SEMA3D: variants seen among roughly 807,000 people sequenced by gnomAD.
SEMA3D encodes the protein semaphorin-3D.
SEMA3D carries 84 observed loss-of-function variants against 100.1 expected under a neutral mutation model. That is an observed-to-expected ratio of 0.84 (90% CI 0.70 to 1.01). SEMA3D has a LOEUF of 1.01. Ranked by LOEUF, SEMA3D falls within the 50% of genes least tolerant of loss-of-function variation. The probability of loss-of-function intolerance (pLI) is 0.00; values close to 1 mark genes in which losing one functional copy is unlikely to be tolerated. For missense variants in SEMA3D, 875 were observed against 934.1 expected (o/e 0.94, Z 0.82); for synonymous variants, 312 against 320.7 (o/e 0.97, Z 0.29).
intron 8 of SEMA3D, among the ~76,000 whole-genome samples, chr7:85,061,965 C>A (rs377022410): frequency 6.6e-6 from 1 of 152,180 alleles, no homozygotes; most frequent in African/African-American, 2.4e-5. Context: ...ACCAGACCCA[C>A]ATCCTTGATT....
intron 2 of SEMA3D, among the ~76,000 whole-genome samples, chr7:85,125,741 G>A (rs542751390): frequency 6.6e-6 from 1 of 151,856 alleles, no homozygotes; most frequent in South Asian, 2.1e-4. Context: ...TAAACGTCTT[G>A]CCAACAACCT....
At chr7:85,040,892 T>G in intron 10 of SEMA3D, 150 bp from the exon 11 acceptor site, 1 of 550,002 alleles carries the variant, frequency 1.8e-6, no homozygotes, top group Non-Finnish European at 3.2e-6. Flanking sequence ...AATATAAGAT[T>G]GTTTTTTCTC....
At chr7:85,111,896 T>C (rs1789107395) in intron 3 of SEMA3D, among the ~76,000 whole-genome samples, 1 of 152,076 alleles carries the variant, frequency 6.6e-6, no homozygotes, top group Non-Finnish European at 1.5e-5. Context: ...GCCTTTGCAC[T>C]TGATGTTCTT....
intron 2 of SEMA3D, chr7:85,142,538 C>T (rs1003786159): frequency 5.1e-6 from 5 of 983,306 alleles, no homozygotes; most frequent in Non-Finnish European, 6.0e-6. Context: ...TGGTATTTTC[C>T]CCAATTTGCA....
chr7:85,218,896 C>T, the SEMA3D span, among the ~76,000 whole-genome samples: 1 of 152,034 alleles, frequency 6.6e-6, no homozygotes, highest in Non-Finnish European at 1.5e-5. Context: ...TCAATAAGCC[C>T]TCAGTTAGCT....
intron 12 of SEMA3D, chr7:85,029,777 T>A: frequency 4.2e-6 from 1 of 235,662 alleles, no homozygotes; most frequent in South Asian, 6.0e-5. Context: ...TCTATGGCAG[T>A]TTTACGGTCG....
chr7:85,239,100 A>G, the SEMA3D span, among the ~76,000 whole-genome samples: 9 of 152,262 alleles, frequency 5.9e-5, no homozygotes, highest in East Asian at 1.7e-3. Flanking sequence ...TATTATTTCT[A>G]TTTCAGTGCT....
At position 85,160,238 on chromosome 7, in the gene SEMA3D, T is replaced by C. The variant is rs1214949963; in HGVS notation, c.-172-6499A>G. Among the ~76,000 whole-genome samples the C allele has an allele frequency of 2.0e-5, 3 of 152,050 alleles. No homozygotes were observed. In the East Asian group the frequency reaches 5.8e-4, roughly 29 times the overall value. The stretch of plus-strand genomic sequence containing the variant: ...CATTGAAGTGTGAACGAAATTGATA[T>C]GGTTAAGAGATGGATGAACATGCAG... On this transcript the variant is annotated intron_variant, in intron 1 of 18. Coordinates refer to ENST00000284136, the MANE Select transcript of SEMA3D (RefSeq NM_001384900.1).
At chr7:85,078,323 G>A (rs1156235151) in intron 5 of SEMA3D, among the ~76,000 whole-genome samples, 2 of 151,866 alleles carry the variant, frequency 1.3e-5, no homozygotes, top group Non-Finnish European at 2.9e-5. Flanking sequence ...AAGGAAAGAA[G>A]GAAGGAGGGA....
rs1010219779 is a variant in SEMA3D at position 84,997,108 on chromosome 7, T to C, written c.*2332A>G. The C allele has an allele frequency of 3.3e-5, 5 of 151,966 alleles. No homozygotes were observed. The highest frequency in any genetic ancestry group is 1.2e-4 in the African/African-American group (5 of 41,444). 9.4% of individuals were successfully genotyped at this position (151,966 alleles called of 1,614,324 possible). A position where few individuals can be genotyped will look rare whatever the true frequency, so the allele number is the denominator to read the frequency against. ...TATCCAAAGCAGCCAGAATATTAGA[T>C]GTGGTCATAAAATAAGTTTCCAAAT... On this transcript the variant is annotated 3_prime_UTR_variant, in exon 19 of 19. Transcript: ENST00000284136.
At chr7:85,205,681 G>A in the SEMA3D span, among the ~76,000 whole-genome samples, 4 of 151,992 alleles carry the variant, frequency 2.6e-5, no homozygotes. Flanking sequence ...TGCTTATGTA[G>A]CCTCACAGCA....
At chr7:85,075,742 T>C (rs576837891) in intron 5 of SEMA3D, among the ~76,000 whole-genome samples, 1 of 152,354 alleles carries the variant, frequency 6.6e-6, no homozygotes, top group Non-Finnish European at 1.5e-5. Context: ...TAGAAAGGCC[T>C]TGGCTGCCTG....
chr7:85,025,144 C>T (rs1227854227), intron 12 of SEMA3D, among the ~76,000 whole-genome samples: 1 of 151,930 alleles, frequency 6.6e-6, no homozygotes, highest in African/African-American at 2.4e-5. Context: ...CTGAACATAC[C>T]ATACGGGGAC....
At chr7:85,121,605 A>T (rs542331246) in intron 3 of SEMA3D, 136 bp downstream of exon 3, 17 of 548,370 alleles carry the variant, frequency 3.1e-5, no homozygotes, top group Non-Finnish European at 5.0e-5. Context: ...TTCGTGTTCT[A>T]TAATTCTATT....
intron 3 of SEMA3D, among the ~76,000 whole-genome samples, chr7:85,103,225 G>A (rs936238249): frequency 1.1e-4 from 17 of 151,922 alleles, no homozygotes; most frequent in South Asian, 2.1e-4. Flanking sequence ...GGTAATTTTA[G>A]AGCCTGTATC....
In SEMA3D at chr7:85,066,913, C is replaced by CACACACACAG; in HGVS notation, c.589+1277_589+1278insCTGTGTGTGT. Among the ~76,000 whole-genome samples the CACACACACAG allele has an allele frequency of 1.5e-3, 195 of 127,816 alleles. 1 individual carries two copies. The highest frequency in any genetic ancestry group is 6.0e-3 in the African/African-American group (189 of 31,750). 83.9% of individuals were successfully genotyped at this position (127,816 alleles called of 152,430 possible). On this transcript the variant is annotated intron_variant, in intron 7 of 18. Coordinates refer to ENST00000284136, the MANE Select transcript of SEMA3D (RefSeq NM_001384900.1). ...GCGCTCACACACACACACACACACA[C>CACACACACAG]AGAGAGAGAGAGAGAGAGAGAGAGA...
chr7:85,168,920 G>A (rs962954928), intron 1 of SEMA3D, among the ~76,000 whole-genome samples: 6 of 151,482 alleles, frequency 4.0e-5, no homozygotes, highest in African/African-American at 9.7e-5. Context: ...GCAGTAAAGT[G>A]TTGGGGCAGG....
chr7:85,239,023 A>C, the SEMA3D span, among the ~76,000 whole-genome samples: 2 of 151,874 alleles, frequency 1.3e-5, no homozygotes. Flanking sequence ...AATGTACTTA[A>C]AATTATTTAT....
At chr7:85,065,793 A>T (rs1791602472) in intron 7 of SEMA3D, among the ~76,000 whole-genome samples, 1 of 152,344 alleles carries the variant, frequency 6.6e-6, no homozygotes, top group South Asian at 2.1e-4. Context: ...TGAATTAATA[A>T]TTGCACATGC....
Sources: allele counts gnomAD v4.1 joint callset (sites outside exome capture counted in the v4.1 genomes callset), GRCh38; gene constraint gnomAD v4.1.1; transcripts MANE v1.5; gene names NCBI Gene and HGNC (gene_info 2026-07-23, HGNC 2026-07-21).